CCDC93: variants seen among roughly 807,000 people sequenced by gnomAD.
The protein encoded by CCDC93 is CCC complex scaffolding subunit CCDC93, also known as coiled-coil domain-containing protein 93.
A neutral mutation model predicts 108.2 loss-of-function variants in CCDC93; 61 were observed. The observed-to-expected ratio is 0.56, with a 90% CI of 0.46 to 0.70. The LOEUF is 0.70. CCDC93 is among the 30% of genes least tolerant of loss of function. The pLI, the probability that CCDC93 is intolerant of heterozygous loss-of-function variation, is 0.00. For synonymous variants in CCDC93, 276 were observed against 260.4 expected, an observed-to-expected ratio of 1.06 and a Z score of -0.58; for missense variants, 685 against 764.2, an observed-to-expected ratio of 0.90 and a Z score of 1.22.
intron 4 of CCDC93, chr2:117,998,251 G>C (rs1403543615): frequency 6.6e-6 from 1 of 152,188 alleles, no homozygotes; most frequent in African/African-American, 2.4e-5. Context: ...TGGGCTTCTA[G>C]AATCACATAA....
intron 22 of CCDC93, 59 bp from the exon 23 acceptor site, chr2:117,931,209 G>A (rs1678316630): frequency 3.4e-6 from 4 of 1,162,198 alleles, no homozygotes; most frequent in Non-Finnish European, 5.1e-6. Context: ...AGGGCTACTG[G>A]CAACATCCAA....
chr2:117,941,341 G>A (rs1678694148), intron 18 of CCDC93, 44 bp from the exon 19 acceptor site: 1 of 1,510,128 alleles, frequency 6.6e-7, no homozygotes, highest in Non-Finnish European at 9.2e-7. Flanking sequence ...TTGGTAAAAG[G>A]CCTTACATGT....
intron 23 of CCDC93, among the ~76,000 whole-genome samples, chr2:117,925,828 C>A (rs1390797155): frequency 6.6e-6 from 1 of 152,196 alleles, no homozygotes; most frequent in East Asian, 1.9e-4. Context: ...CTTCTCAGCA[C>A]CACACCACAC....
chr2:117,935,769 T>C (rs566287683), intron 21 of CCDC93, 190 bp from the exon 22 acceptor site: 8 of 429,754 alleles, frequency 1.9e-5, no homozygotes, highest in African/African-American at 1.2e-4. Context: ...TGAGAAGGCA[T>C]GGAAATTAGC....
chr2:117,996,553 T>C lies in CCDC93; in HGVS notation c.364-191A>G, dbSNP rs1246124031. On this transcript the variant is annotated intron_variant, in intron 4 of 23. Coordinates refer to ENST00000376300, the MANE Select transcript of CCDC93 (RefSeq NM_019044.5). ...GGGTATCCAAGATGTTAAGATCCAA[T>C]GGGACCTAGTGCTGAGTAGCCGTGC... 5.7e-6 allele frequency: 3 copies of C among 527,286 alleles called. No homozygotes were observed. The African/African-American group carries it at 5.8e-5, about 10-fold the overall frequency. 32.7% of individuals were successfully genotyped at this position (527,286 alleles called of 1,614,324 possible).
intron 13 of CCDC93, chr2:117,950,739 A>T: frequency 1.0e-6 from 1 of 985,384 alleles, no homozygotes; most frequent in Non-Finnish European, 1.2e-6. Flanking sequence ...GCTTCTTCAG[A>T]AGTTGTTCAG....
At position 117,915,573 on chromosome 2, in the gene CCDC93, A is replaced by C. The variant is rs1270586749; in HGVS notation, c.*4770T>G. On this transcript the variant is annotated 3_prime_UTR_variant, in exon 24 of 24. Transcript: ENST00000376300. The stretch of plus-strand genomic sequence containing the variant: ...TCTATTAAGAAAAGTATACCAAATT[A>C]AAAATTAAGAACTATTTTTTAATAG... 5 of 152,204 alleles carry C rather than the reference A, an allele frequency of 3.3e-5. No homozygotes were observed. Among genetic ancestry groups the C allele is most frequent in the Non-Finnish European group, 7.3e-5 (5 of 68,044 alleles). The allele number at this position is 152,204 out of a possible 1,614,324, so 9.4% of individuals were successfully genotyped here. A position where few individuals can be genotyped will look rare whatever the true frequency, so the allele number is the denominator to read the frequency against.
At position 117,919,998 on chromosome 2, in the gene CCDC93, C is replaced by G. The variant is rs1400296694; in HGVS notation, c.*345G>C. The G allele has an allele frequency of 5.5e-6, 1 of 180,284 alleles. No homozygotes were observed. The highest frequency in any genetic ancestry group is 6.1e-5 in the Admixed American group (1 of 16,484). The allele number at this position is 180,284 out of a possible 1,614,324, so 11.2% of individuals were successfully genotyped here. ...TCAGTGGTTGCTGAACTAATACTTG[C>G]TAAACAAATGAATTCTTCTTTATTC... On this transcript the variant is annotated 3_prime_UTR_variant, in exon 24 of 24. Transcript: ENST00000376300.
At chr2:117,989,265 C>A (rs1320662828) in intron 6 of CCDC93, among the ~76,000 whole-genome samples, 1 of 152,156 alleles carries the variant, frequency 6.6e-6, no homozygotes, top group Non-Finnish European at 1.5e-5. Flanking sequence ...ACAGACTCCC[C>A]CCTGTGTGAT....
At chr2:117,958,261 T>C (rs866750841) in intron 12 of CCDC93, 104 bp downstream of exon 12, 2 of 702,890 alleles carry the variant, frequency 2.8e-6, no homozygotes, top group Middle Eastern at 7.2e-4. Flanking sequence ...AAGTGGCAAC[T>C]GGACTGGCCC....
intron 13 of CCDC93, chr2:117,951,553 C>T (rs1402984671): frequency 7.0e-6 from 7 of 999,040 alleles, no homozygotes; most frequent in African/African-American, 5.2e-5. Flanking sequence ...GGGTTGGTTT[C>T]GGAGACGTCT....
intron 22 of CCDC93, chr2:117,931,497 T>A (rs1156867244): frequency 1.6e-5 from 4 of 248,884 alleles, no homozygotes; most frequent in Non-Finnish European, 1.6e-5. Flanking sequence ...CTGCGAGAAG[T>A]GGGTGCTACT....
chr2:117,948,482 A>T (rs1455333443), intron 14 of CCDC93, among the ~76,000 whole-genome samples: 1 of 152,248 alleles, frequency 6.6e-6, no homozygotes, highest in Admixed American at 6.5e-5. Flanking sequence ...ATATTTAATG[A>T]TACCAATTAT....
At chr2:117,948,580 G>A (rs1432394305) in intron 14 of CCDC93, among the ~76,000 whole-genome samples, 1 of 152,186 alleles carries the variant, frequency 6.6e-6, no homozygotes, top group Non-Finnish European at 1.5e-5. Context: ...GTCATTAAAA[G>A]CACTAATTTG....
Position 117,920,316 on chromosome 2 carries a change from A to G in CCDC93, c.*27T>C, listed in dbSNP as rs1677818014. On this transcript the variant is annotated 3_prime_UTR_variant, in exon 24 of 24. Transcript: ENST00000376300. ...TATACGGTGCTTAAAAGTAAAATCA[A>G]TGACATACAGCCACGGCTGGGGATG... The G allele has an allele frequency of 6.3e-7, 1 of 1,582,632 alleles. No individual in the cohort carries two copies. The highest frequency in any genetic ancestry group is 8.7e-7 in the Non-Finnish European group (1 of 1,152,936).
chr2:117,958,374 A>G lies in CCDC93; in HGVS notation c.996T>C (p.His332=), dbSNP rs1460690346. 1 of 1,592,980 alleles carries G rather than the reference A, an allele frequency of 6.3e-7. No homozygotes were observed. Among genetic ancestry groups the G allele is most frequent in the Non-Finnish European group, 8.6e-7 (1 of 1,160,682 alleles). ...AAAAGAAAACACTGACCTCTTCAAG[A>G]TGTTTGGTCTTTTGCGCAATCTGTT... ...LNKQIAQKTK[H]LEELRASHTS... The change falls in exon 12 of 24, where the codon CAT becomes CAC. Residue 332 remains histidine, a synonymous_variant. Transcript: ENST00000376300.
chr2:117,944,553 T>C (rs750214631), intron 17 of CCDC93, among the ~76,000 whole-genome samples: 2 of 151,710 alleles, frequency 1.3e-5, no homozygotes, highest in Non-Finnish European at 1.5e-5. Flanking sequence ...TTGGACAGCA[T>C]TGATATAGAA....
intron 23 of CCDC93, among the ~76,000 whole-genome samples, chr2:117,926,919 C>A (rs1471642270): frequency 2.6e-5 from 4 of 152,110 alleles, no homozygotes. Context: ...AGCTTATCCA[C>A]CATGATCAAG....
intron 22 of CCDC93, 123 bp from the exon 23 acceptor site, chr2:117,931,273 A>C: frequency 1.5e-6 from 1 of 645,872 alleles, no homozygotes; most frequent in Non-Finnish European, 2.7e-6. Flanking sequence ...AGGAAGCTTC[A>C]ATATATAATT....
Sources: allele counts gnomAD v4.1 joint callset (sites outside exome capture counted in the v4.1 genomes callset), GRCh38; gene constraint gnomAD v4.1.1; transcripts MANE v1.5; gene names NCBI Gene and HGNC (gene_info 2026-07-23, HGNC 2026-07-21).